GALNT2: variants seen among roughly 807,000 people sequenced by gnomAD.
The protein encoded by GALNT2 is polypeptide N-acetylgalactosaminyltransferase 2.
GALNT2 carries 31 observed loss-of-function variants against 81.4 expected under a neutral mutation model. That is an observed-to-expected ratio of 0.38 (90% CI 0.29 to 0.51). The LOEUF is 0.51. GALNT2 is among the 20% of genes least tolerant of loss of function. GALNT2 has a pLI of 0.87. For synonymous variants in GALNT2, 303 were observed against 287.4 expected, an observed-to-expected ratio of 1.05 and a Z score of -0.55; for missense variants, 629 against 765.7, an observed-to-expected ratio of 0.82 and a Z score of 2.11.
At chr1:230,162,835 G>T (rs1409322080) in intron 1 of GALNT2, among the ~76,000 whole-genome samples, 1 of 152,130 alleles carries the variant, frequency 6.6e-6, no homozygotes, top group Non-Finnish European at 1.5e-5. Context: ...TTCCCCACTC[G>T]GTCTGTTGGC....
intron 3 of GALNT2, among the ~76,000 whole-genome samples, chr1:230,215,748 T>G (rs1558144490): frequency 6.6e-6 from 1 of 152,266 alleles, no homozygotes; most frequent in East Asian, 1.9e-4. Flanking sequence ...GTTTCTTATC[T>G]GTAAAACAAT....
chr1:230,131,090 A>G (rs1368337444), intron 1 of GALNT2, among the ~76,000 whole-genome samples: 3 of 152,250 alleles, frequency 2.0e-5, no homozygotes, highest in Non-Finnish European at 2.9e-5. Context: ...AGATAGCTTA[A>G]AACAGTATCT....
intron 11 of GALNT2, chr1:230,261,862 T>C (rs1357963282): frequency 6.6e-6 from 1 of 152,136 alleles, no homozygotes; most frequent in Non-Finnish European, 1.5e-5. Context: ...CACAAAAATT[T>C]TAGCTGGGTG....
intron 1 of GALNT2, among the ~76,000 whole-genome samples, chr1:230,104,810 A>G (rs1660492191): frequency 6.6e-6 from 1 of 152,230 alleles, no homozygotes; most frequent in South Asian, 2.1e-4. Flanking sequence ...TGGTCTTTGC[A>G]GGAAGCCACT....
At chr1:230,128,097 T>C (rs2144297) in intron 1 of GALNT2, among the ~76,000 whole-genome samples, 79,886 of 151,796 alleles carry the variant, frequency 0.53, 21,541 homozygotes, top group East Asian at 0.66. Context: ...GAAGGGTGTC[T>C]GAATCCTTAC....
intron 1 of GALNT2, among the ~76,000 whole-genome samples, chr1:230,078,074 G>A (rs574474846): frequency 6.6e-6 from 1 of 152,344 alleles, no homozygotes; most frequent in South Asian, 2.1e-4. Flanking sequence ...CTGCATTCCA[G>A]TCGGGGGTGG....
chr1:230,063,954 T>C (rs1422789229), upstream of GALNT2, among the ~76,000 whole-genome samples: 1 of 152,248 alleles, frequency 6.6e-6, no homozygotes, highest in African/African-American at 2.4e-5. Context: ...TTTCCTATTA[T>C]AACTACTGCA....
At chr1:230,183,909 C>T (rs963743570) in intron 2 of GALNT2, among the ~76,000 whole-genome samples, 13 of 149,572 alleles carry the variant, frequency 8.7e-5, no homozygotes, top group African/African-American at 2.0e-4. Context: ...ACCTGGGAGG[C>T]GGAGGCTGCA....
At chr1:230,168,024 C>G (rs1268197071) in intron 1 of GALNT2, among the ~76,000 whole-genome samples, 1 of 149,366 alleles carries the variant, frequency 6.7e-6, no homozygotes. Context: ...CTTCATTTTT[C>G]TAAAGTAAAA....
chr1:230,237,384 CT>C (rs1665063983), intron 6 of GALNT2, among the ~76,000 whole-genome samples: 1 of 152,198 alleles, frequency 6.6e-6, no homozygotes, highest in Admixed American at 6.5e-5. Context: ...TGTTAGGCTC[CT>C]CCATGGTTGG....
chr1:230,173,414 T>A (rs1410418585), intron 1 of GALNT2, among the ~76,000 whole-genome samples: 1 of 152,206 alleles, frequency 6.6e-6, no homozygotes, highest in African/African-American at 2.4e-5. Context: ...TTGTCTACAC[T>A]TTCCTGAAGC....
intron 6 of GALNT2, among the ~76,000 whole-genome samples, chr1:230,242,418 T>G (rs927086074): frequency 1.3e-5 from 2 of 152,222 alleles, no homozygotes; most frequent in African/African-American, 4.8e-5. Flanking sequence ...TTAGCAGACT[T>G]GTCCTCACCG....
intron 1 of GALNT2, among the ~76,000 whole-genome samples, chr1:230,141,770 C>T (rs1661742690): frequency 1.4e-5 from 2 of 147,746 alleles, no homozygotes. Flanking sequence ...CTTCAAGACC[C>T]CGCTTTCTTT....
At chr1:230,103,347 C>G (rs1173137023) in intron 1 of GALNT2, among the ~76,000 whole-genome samples, 1 of 152,194 alleles carries the variant, frequency 6.6e-6, no homozygotes, top group Non-Finnish European at 1.5e-5. Context: ...TATCCATGAG[C>G]AACCTTGCTA....
chr1:230,147,205 C>G (rs1245216970), intron 1 of GALNT2, among the ~76,000 whole-genome samples: 1 of 152,220 alleles, frequency 6.6e-6, no homozygotes, highest in Non-Finnish European at 1.5e-5. Context: ...TGACAGCATC[C>G]TCAATTTGGA....
At chr1:230,066,807 C>T (rs1325309471), upstream of GALNT2, among the ~76,000 whole-genome samples, 2 of 152,126 alleles carry the variant, frequency 1.3e-5, no homozygotes, top group African/African-American at 4.8e-5. Context: ...GGCTCTTTGC[C>T]CACGTGTGCG....
intron 3 of GALNT2, among the ~76,000 whole-genome samples, chr1:230,204,759 C>T (rs1664009415): frequency 6.6e-6 from 1 of 152,158 alleles, no homozygotes; most frequent in South Asian, 2.1e-4. Context: ...TATCTTCCTG[C>T]TAAGTTAGAG....
At chr1:230,249,127 G>A (rs1210625963) in intron 8 of GALNT2, 57 bp from the exon 9 acceptor site, 8 of 1,465,866 alleles carry the variant, frequency 5.5e-6, no homozygotes, top group Admixed American at 1.7e-5. Flanking sequence ...GAATGGGGGT[G>A]TCGGGAGGAA....
chr1:230,061,045 A>G (rs1240042879), intron 1 of GALNT2, among the ~76,000 whole-genome samples: 1 of 152,156 alleles, frequency 6.6e-6, no homozygotes, highest in East Asian at 1.9e-4. Flanking sequence ...GTGAACTCTT[A>G]CAGTGGAGAA....
Sources: allele counts gnomAD v4.1 joint callset (sites outside exome capture counted in the v4.1 genomes callset), GRCh38; gene constraint gnomAD v4.1.1; transcripts MANE v1.5; gene names NCBI Gene and HGNC (gene_info 2026-07-23, HGNC 2026-07-21).